PAQR8: variants seen among roughly 807,000 people sequenced by gnomAD.
PAQR8 encodes membrane progestin receptor beta.
PAQR8 carries 17 observed loss-of-function variants against 25.2 expected under a neutral mutation model. That is an observed-to-expected ratio of 0.67 (90% CI 0.46 to 1.01). The LOEUF (loss-of-function observed/expected upper bound fraction) is 1.01, where lower values mean the gene tolerates loss of function less well. Among genes scored for constraint, PAQR8 ranks in the 50% least tolerant of loss-of-function variants. The pLI is 0.00. For synonymous variants in PAQR8, 204 were observed against 190.6 expected (o/e 1.07, Z -0.58); for missense variants, 392 against 448.4 (o/e 0.87, Z 1.14).
intron 1 of PAQR8, among the ~76,000 whole-genome samples, chr6:52,370,789 G>GC (rs1763409115): frequency 6.6e-6 from 1 of 152,116 alleles, no homozygotes; most frequent in Non-Finnish European, 1.5e-5. Flanking sequence ...ATTTTTCTTC[G>GC]TATCACTTGG....
At chr6:52,364,103 T>TTTTTTTTTTG (rs59464397) in intron 1 of PAQR8, among the ~76,000 whole-genome samples, 2 of 139,038 alleles carry the variant, frequency 1.4e-5, no homozygotes, top group South Asian at 2.3e-4. Context: ...TTTTTTTTTT[T>TTTTTTTTTTG]GCGGGTGTGT....
intron 1 of PAQR8, among the ~76,000 whole-genome samples, chr6:52,402,617 CAAAAA>C (rs5876274): frequency 4.3e-5 from 5 of 115,866 alleles, no homozygotes; most frequent in Admixed American, 9.0e-5. Context: ...AACTCTGTCT[CAAAAA>C]AAAAAAAAAA....
rs1251050792 is a variant in PAQR8 at position 52,405,936 on chromosome 6, C to G, written c.*1658C>G. On this transcript the variant is annotated 3_prime_UTR_variant, in exon 2 of 2. Transcript: ENST00000442253. The stretch of plus-strand genomic sequence containing the variant: ...AATTGCTTATCAATCAAAAGACTTT[C>G]TCAATCTATTTTGGCCACAAACAAA... 1 of 166,850 alleles carries G rather than the reference C, an allele frequency of 6.0e-6. No homozygotes were observed. The highest frequency in any genetic ancestry group is 1.5e-5 in the Non-Finnish European group (1 of 68,140). 10.3% of individuals were successfully genotyped at this position (166,850 alleles called of 1,614,324 possible). A position where few individuals can be genotyped will look rare whatever the true frequency, so the allele number is the denominator to read the frequency against.
Position 52,406,557 on chromosome 6 carries a change from A to AT in PAQR8, c.*2289dup, listed in dbSNP as rs953592276. 19 of 400,848 alleles carry AT rather than the reference A, an allele frequency of 4.7e-5. No individual in the cohort carries two copies. The highest frequency in any genetic ancestry group is 1.3e-4 in the South Asian group (1 of 7,660). 24.8% of individuals were successfully genotyped at this position (400,848 alleles called of 1,614,324 possible). A position where few individuals can be genotyped will look rare whatever the true frequency, so the allele number is the denominator to read the frequency against. On this transcript the variant is annotated 3_prime_UTR_variant, in exon 2 of 2. Coordinates refer to ENST00000442253, the MANE Select transcript of PAQR8 (RefSeq NM_133367.5). ...GTATTGGCCCCTCAAGTGGTTGGAA[A>AT]TTTTTTTTTTAATCTCTTTTTCTGA... is the stretch of plus-strand genomic sequence containing the variant.
intron 1 of PAQR8, among the ~76,000 whole-genome samples, chr6:52,384,810 CAA>C (rs370494314): frequency 6.6e-6 from 1 of 151,882 alleles, no homozygotes; most frequent in Non-Finnish European, 1.5e-5. Context: ...GGTACTGGTA[CAA>C]AAAAAGACAC....
At chr6:52,388,593 A>G (rs1763660575) in intron 1 of PAQR8, among the ~76,000 whole-genome samples, 1 of 152,210 alleles carries the variant, frequency 6.6e-6, no homozygotes, top group Non-Finnish European at 1.5e-5. Flanking sequence ...CTCTTCTGCC[A>G]TGTGAGGACA....
Position 52,403,504 on chromosome 6 carries a change from C to T in PAQR8, c.291C>T (p.Ala97=), listed in dbSNP as rs1323191474. 3.7e-6 allele frequency: 6 copies of T among 1,614,088 alleles called. No individual in the cohort carries two copies. The highest frequency in any genetic ancestry group is 1.1e-5 in the South Asian group (1 of 91,084). ...LAVLLRFWAF[A]EAEALPWAST... Reference sequence around the variant, plus strand: ...TCCTCTTGCGATTCTGGGCCTTTGCCGAGGCTGAGGCCTTGCCATGGGCGT... The same window carrying T: ...TCCTCTTGCGATTCTGGGCCTTTGCTGAGGCTGAGGCCTTGCCATGGGCGT... The change falls in exon 2 of 2, where the codon GCC becomes GCT. Residue 97 remains alanine, a synonymous_variant. Transcript: ENST00000442253.
At chr6:52,384,989 C>G (rs1763613022) in intron 1 of PAQR8, among the ~76,000 whole-genome samples, 1 of 152,200 alleles carries the variant, frequency 6.6e-6, no homozygotes, top group Non-Finnish European at 1.5e-5. Flanking sequence ...GGTCTCCTAC[C>G]TATCACCATA....
Position 52,407,656 on chromosome 6 carries a change from G to T in PAQR8, c.*3378G>T, listed in dbSNP as rs1763927259. 2 of 116,486 alleles carry T rather than the reference G, an allele frequency of 1.7e-5. No homozygotes were observed. Among genetic ancestry groups the T allele is most frequent in the Admixed American group, 1.5e-4 (1 of 6,488 alleles). 7.2% of individuals were successfully genotyped at this position (116,486 alleles called of 1,614,324 possible). On this transcript the variant is annotated 3_prime_UTR_variant, in exon 2 of 2. Coordinates refer to ENST00000442253, the MANE Select transcript of PAQR8 (RefSeq NM_133367.5). ...AGGCTTCTGTCTACTAATTCTATTG[G>T]TCTTGTGTTTTGCTTGCTTGGCAAA... is the stretch of plus-strand genomic sequence containing the variant.
chr6:52,406,764 C>T lies in PAQR8; in HGVS notation c.*2486C>T, dbSNP rs1439419395. 1.3e-5 allele frequency: 5 copies of T among 384,462 alleles called. No individual in the cohort carries two copies. The highest frequency in any genetic ancestry group is 6.3e-5 in the African/African-American group (3 of 47,920). 23.8% of individuals were successfully genotyped at this position (384,462 alleles called of 1,614,324 possible). ...TTTTTGTAGAGACAGGGTTTTGCCA[C>T]GTTGCTTAGGCTGGTCTTGAACTCC... On this transcript the variant is annotated 3_prime_UTR_variant, in exon 2 of 2. Coordinates refer to ENST00000442253, the MANE Select transcript of PAQR8 (RefSeq NM_133367.5).
intron 1 of PAQR8, among the ~76,000 whole-genome samples, chr6:52,393,037 A>G (rs669893): frequency 0.74 from 112,306 of 152,090 alleles, 41,880 homozygotes; most frequent in African/African-American, 0.81. Flanking sequence ...ATCAAAAAAT[A>G]TTGGGGTTTA....
chr6:52,380,591 ATGT>A (rs1388729486), intron 1 of PAQR8, among the ~76,000 whole-genome samples: 4 of 152,222 alleles, frequency 2.6e-5, no homozygotes, highest in Admixed American at 6.5e-5. Flanking sequence ...CAAAATTTGC[ATGT>A]TGTTGTTTGT....
intron 1 of PAQR8, among the ~76,000 whole-genome samples, chr6:52,402,389 G>A (rs1159718447): frequency 6.6e-6 from 1 of 151,614 alleles, no homozygotes; most frequent in Non-Finnish European, 1.5e-5. Context: ...AGGCTGAGGT[G>A]GGCGGATCAC....
At chr6:52,391,010 G>A (rs925135112) in intron 1 of PAQR8, among the ~76,000 whole-genome samples, 6 of 152,178 alleles carry the variant, frequency 3.9e-5, no homozygotes, top group Non-Finnish European at 8.8e-5. Flanking sequence ...GATAATGATA[G>A]TATTTCCAGA....
intron 1 of PAQR8, among the ~76,000 whole-genome samples, chr6:52,381,549 G>T (rs1459798761): frequency 1.3e-5 from 2 of 152,234 alleles, no homozygotes; most frequent in Non-Finnish European, 2.9e-5. Flanking sequence ...TGAGGCTGCA[G>T]TGAGCTATGA....
intron 1 of PAQR8, among the ~76,000 whole-genome samples, chr6:52,392,691 G>T (rs904384351): frequency 6.6e-6 from 1 of 152,184 alleles, no homozygotes; most frequent in Non-Finnish European, 1.5e-5. Context: ...GCTGATAAAT[G>T]ACCTCAGGTT....
intron 1 of PAQR8, among the ~76,000 whole-genome samples, chr6:52,392,506 T>C (rs1376980729): frequency 1.3e-5 from 2 of 152,184 alleles, no homozygotes; most frequent in Admixed American, 1.3e-4. Context: ...TGCTTTGGAG[T>C]GCTTCTATTT....
intron 1 of PAQR8, among the ~76,000 whole-genome samples, chr6:52,375,205 G>T (rs1024489056): frequency 2.6e-5 from 4 of 152,016 alleles, no homozygotes; most frequent in Non-Finnish European, 4.4e-5. Flanking sequence ...AGAGCTTGTG[G>T]CAGACATTGT....
At position 52,406,984 on chromosome 6, in the gene PAQR8, C is replaced by T. The variant is rs1763918209; in HGVS notation, c.*2706C>T. ...TAGGAAATGCAGATGTTTTTAACTA[C>T]TCAGACTTTTGAGGAATTAATCCTT... On this transcript the variant is annotated 3_prime_UTR_variant, in exon 2 of 2. Coordinates refer to ENST00000442253, the MANE Select transcript of PAQR8 (RefSeq NM_133367.5). 1 of 170,708 alleles carries T rather than the reference C, an allele frequency of 5.9e-6. No individual in the cohort carries two copies. The highest frequency in any genetic ancestry group is 2.4e-5 in the African/African-American group (1 of 41,688). The allele number at this position is 170,708 out of a possible 1,614,324, so 10.6% of individuals were successfully genotyped here.
Sources: gnomAD v4.1 joint callset for allele counts (sites outside exome capture counted in the v4.1 genomes callset) on GRCh38, gnomAD v4.1.1 for gene constraint, MANE v1.5 for transcripts, NCBI Gene and HGNC (gene_info 2026-07-23, HGNC 2026-07-21) for gene names.